BCAS3: variants seen among roughly 807,000 people sequenced by gnomAD.
BCAS3 encodes the protein BCAS4/BCAS3 fusion.
Under a neutral mutation model 116.1 loss-of-function variants are expected in BCAS3, and 53 were observed. The ratio of observed to expected loss-of-function variants is 0.46; its 90% CI spans 0.37 to 0.57. The LOEUF (loss-of-function observed/expected upper bound fraction) is 0.57, where lower values mean the gene tolerates loss of function less well. Among genes scored for constraint, BCAS3 ranks in the 20% least tolerant of loss-of-function variants. The pLI is 0.00. For missense variants in BCAS3, 917 were observed against 1,165.4 expected (o/e 0.79, Z 3.10); for synonymous variants, 391 against 408.2 (o/e 0.96, Z 0.51).
In BCAS3 at chr17:60,678,509, CAGTG is replaced by C. The variant is rs1242901216; in HGVS notation, c.-6+597_-6+600del. 5.3e-5 allele frequency among the ~76,000 whole-genome samples: 8 copies of C among 152,244 alleles called. No homozygotes were observed. The East Asian group carries it at 1.3e-3, about 26-fold the overall frequency. ...AGCCGACTCCATGCTCTTAAAATCT[CAGTG>C]ATTCAGAGGGTCATGAAACATTCTA... On this transcript the variant is annotated intron_variant, in intron 1 of 23. Transcript: ENST00000407086.
In BCAS3 at chr17:61,347,152, G is replaced by T. The variant is rs137951184; in HGVS notation, c.2426-21175G>T. On this transcript the variant is annotated intron_variant, in intron 22 of 23. Coordinates refer to ENST00000407086, the MANE Select transcript of BCAS3 (RefSeq NM_017679.5). This position sits in a 1 kb window ranked among gnomAD's most constrained non-coding sequence, Gnocchi z 4.3. ...TGCAGTGGTGCAATCTCAGCTCACCGCAACCTCCACCTCCAGGGTTCAAGC... is the reference window on the plus strand; with the variant it reads ...TGCAGTGGTGCAATCTCAGCTCACCTCAACCTCCACCTCCAGGGTTCAAGC... Among the ~76,000 whole-genome samples, 5 of 152,202 alleles carry T rather than the reference G, an allele frequency of 3.3e-5. No homozygotes were observed. The East Asian group carries it at 9.7e-4, about 29-fold the overall frequency.
chr17:61,041,331 C>G lies in BCAS3; in HGVS notation c.2029+439C>G, dbSNP rs1421809890. Among the ~76,000 whole-genome samples, 2 of 151,308 alleles carry G rather than the reference C, an allele frequency of 1.3e-5. No homozygotes were observed. The highest frequency in any genetic ancestry group is 2.9e-5 in the Non-Finnish European group (2 of 67,902). ...TTTTCTTTTGGTAGAATTTTACTTG[C>G]AATAATGAGGTAAAGATTTCAACTA... On this transcript the variant is annotated intron_variant, in intron 19 of 23. Transcript: ENST00000407086. This position sits in a 1 kb window ranked among gnomAD's most constrained non-coding sequence, Gnocchi z 4.7.
intron 22 of BCAS3, among the ~76,000 whole-genome samples, chr17:61,201,658 G>A (rs2080824016): frequency 1.3e-5 from 2 of 152,064 alleles, no homozygotes; most frequent in African/African-American, 4.8e-5. Context: ...GACCCCCTTC[G>A]TGAAGTACGT....
intron 5 of BCAS3, among the ~76,000 whole-genome samples, chr17:60,734,260 G>A (rs1017639796): frequency 6.6e-6 from 1 of 152,164 alleles, no homozygotes; most frequent in Non-Finnish European, 1.5e-5. Context: ...TTCCTGAGTA[G>A]CTAGGGCAAC....
chr17:60,698,187 A>C (rs2035886617), intron 4 of BCAS3, among the ~76,000 whole-genome samples: 1 of 150,508 alleles, frequency 6.6e-6, no homozygotes, highest in African/African-American at 2.4e-5. Flanking sequence ...GTCTCACAAA[A>C]AAAAAAAAAA....
At chr17:61,336,497 T>C (rs533886928) in intron 22 of BCAS3, among the ~76,000 whole-genome samples, 1 of 152,286 alleles carries the variant, frequency 6.6e-6, no homozygotes, top group East Asian at 1.9e-4. Flanking sequence ...TCTAGAAACC[T>C]TACCCACCTA....
chr17:60,868,774 A>G (rs1567750857), intron 8 of BCAS3, 91 bp downstream of exon 8: 11 of 665,516 alleles, frequency 1.7e-5, no homozygotes, highest in Non-Finnish European at 2.4e-5. Context: ...ACTAACTTAG[A>G]TTTATTTTTA....
At chr17:60,920,864 C>T (rs1224354395) in intron 12 of BCAS3, among the ~76,000 whole-genome samples, 1 of 140,330 alleles carries the variant, frequency 7.1e-6, no homozygotes, top group Non-Finnish European at 1.5e-5. Flanking sequence ...AGCAAGACTC[C>T]ATCGCAAACA....
rs1389866157 is a variant in BCAS3, at chr17:61,029,893, G to A, written c.1638-4773G>A. Among the ~76,000 whole-genome samples the A allele has an allele frequency of 6.6e-6, 1 of 151,848 alleles. No individual in the cohort carries two copies. Among genetic ancestry groups the A allele is most frequent in the East Asian group, 1.9e-4 (1 of 5,180 alleles). On this transcript the variant is annotated intron_variant, in intron 16 of 23. Transcript: ENST00000407086. This position sits in a 1 kb window ranked among gnomAD's most constrained non-coding sequence, Gnocchi z 5.2. Reference sequence around the variant, plus strand: ...ATTTTTTGAAAGATACGATTTATATGGAGAGGAGAATTTATTCTTACCTGC... The same window carrying A: ...ATTTTTTGAAAGATACGATTTATATAGAGAGGAGAATTTATTCTTACCTGC...
At position 61,376,434 on chromosome 17, in the gene BCAS3, A is replaced by G. The variant is rs1293340093; in HGVS notation, c.2593+7940A>G. Among the ~76,000 whole-genome samples, 1 of 152,094 alleles carries G rather than the reference A, an allele frequency of 6.6e-6. No individual in the cohort carries two copies. The highest frequency in any genetic ancestry group is 1.5e-5 in the Non-Finnish European group (1 of 68,018). ...CCAGAGAATCTTCTCTCCTCTTCCT[A>G]CAGCCACTCTATCAGGCAAACTGGT... On this transcript the variant is annotated intron_variant, in intron 23 of 23. Transcript: ENST00000407086. The surrounding 1 kb of genome is among the most constrained non-coding windows in gnomAD (Gnocchi z 4.5).
intron 4 of BCAS3, among the ~76,000 whole-genome samples, chr17:60,703,062 G>A (rs2036625444): frequency 7.0e-6 from 1 of 142,580 alleles, no homozygotes; most frequent in East Asian, 2.3e-4. Context: ...ATCACCTGAG[G>A]CCAGGAGTTT....
At chr17:60,919,407 C>T (rs770067854) in intron 12 of BCAS3, among the ~76,000 whole-genome samples, 11 of 152,128 alleles carry the variant, frequency 7.2e-5, no homozygotes, top group Admixed American at 1.3e-4. Flanking sequence ...TTCACTGCAA[C>T]CTCTGCCTCC....
At chr17:60,823,099 T>A (rs2050096982) in intron 7 of BCAS3, among the ~76,000 whole-genome samples, 1 of 152,146 alleles carries the variant, frequency 6.6e-6, no homozygotes, top group Non-Finnish European at 1.5e-5. Context: ...CATACAGCAA[T>A]AGATACATGA....
chr17:60,989,288 G>A (rs1217775567), intron 14 of BCAS3, among the ~76,000 whole-genome samples: 2 of 151,978 alleles, frequency 1.3e-5, no homozygotes, highest in African/African-American at 4.8e-5. Flanking sequence ...ATTTTTTTCT[G>A]AAATAAGTAA....
Position 61,391,865 on chromosome 17 carries a change from G to C in BCAS3, c.2594-112G>C. The C allele has an allele frequency of 2.5e-6, 3 of 1,186,174 alleles. No homozygotes were observed. The South Asian group carries it at 4.3e-5, about 17-fold the overall frequency. 73.5% of individuals were successfully genotyped at this position (1,186,174 alleles called of 1,614,324 possible). On this transcript the variant is annotated intron_variant, in intron 23 of 23. Transcript: ENST00000407086. This position sits in a 1 kb window ranked among gnomAD's most constrained non-coding sequence, Gnocchi z 7.7. ...AGCAGGCGGGGATCCCCCTGCGGAA[G>C]GACACAAGTGAACCCAGAATGGTGC...
intron 22 of BCAS3, among the ~76,000 whole-genome samples, chr17:61,177,391 C>A (rs1434124566): frequency 6.6e-6 from 1 of 152,154 alleles, no homozygotes; most frequent in Non-Finnish European, 1.5e-5. Context: ...GGAATGAGTT[C>A]TTGATAAATG....
chr17:61,051,352 T>C lies in BCAS3; in HGVS notation c.2029+10460T>C, dbSNP rs570808059. 2.6e-4 allele frequency among the ~76,000 whole-genome samples: 39 copies of C among 150,054 alleles called. No homozygotes were observed. The highest frequency in any genetic ancestry group is 1.9e-3 in the Admixed American group (29 of 15,140). On this transcript the variant is annotated intron_variant, in intron 19 of 23. Transcript: ENST00000407086. The surrounding 1 kb of genome is among the most constrained non-coding windows in gnomAD (Gnocchi z 4.1). ...ATTACAAGGTTGATCTTTGTGGTGATAGGACAGTTCTGTATCTTGATTGTA... is the reference window on the plus strand; with the variant it reads ...ATTACAAGGTTGATCTTTGTGGTGACAGGACAGTTCTGTATCTTGATTGTA...
intron 22 of BCAS3, among the ~76,000 whole-genome samples, chr17:61,360,010 C>CTTTT (rs372435627): frequency 1.4e-5 from 2 of 140,554 alleles, no homozygotes; most frequent in Admixed American, 7.1e-5. Context: ...CATAACTTTT[C>CTTTT]TTTTTTTTTT....
intron 6 of BCAS3, among the ~76,000 whole-genome samples, chr17:60,794,618 A>C (rs1374189721): frequency 6.6e-6 from 1 of 152,174 alleles, no homozygotes. Flanking sequence ...ATTCTCCTAC[A>C]GGTGGCTAGC....
Sources: gnomAD v4.1 joint callset for allele counts (sites outside exome capture counted in the v4.1 genomes callset) on GRCh38, gnomAD v4.1.1 for gene constraint, Gnocchi (gnomAD v3.1) non-coding constraint, MANE v1.5 for transcripts, NCBI Gene and HGNC (gene_info 2026-07-23, HGNC 2026-07-21) for gene names.